Variants in ARHGAP8 observed in about 807,000 individuals in gnomAD.
ARHGAP8 encodes the protein rho GTPase-activating protein 8.
ARHGAP8 carries 62 observed loss-of-function variants against 46.1 expected under a neutral mutation model. The observed-to-expected ratio is 1.34, with a 90% CI of 1.10 to 1.66. The LOEUF is 1.66. Ranked by LOEUF, ARHGAP8 falls within the 40% of genes most tolerant of loss-of-function variation. The pLI is 0.00. For missense variants in ARHGAP8, 923 were observed against 568.4 expected (o/e 1.62, Z -6.34); for synonymous variants, 375 against 243.1 (o/e 1.54, Z -5.05).
At chr22:44,858,391 G>C (rs112635235) in intron 10 of ARHGAP8, among the ~76,000 whole-genome samples, 6 of 149,752 alleles carry the variant, frequency 4.0e-5, no homozygotes, top group African/African-American at 1.5e-4. Flanking sequence ...TTTTGAGATG[G>C]AGTTTCACTC....
chr22:44,799,452 A>G (rs1044447235), intron 2 of ARHGAP8, among the ~76,000 whole-genome samples: 3 of 152,114 alleles, frequency 2.0e-5, no homozygotes, highest in Admixed American at 1.3e-4. Flanking sequence ...AGAGTCAGCA[A>G]GGAGGCGGGA....
chr22:44,841,541 C>G (rs1312372304), intron 7 of ARHGAP8, among the ~76,000 whole-genome samples: 1 of 152,184 alleles, frequency 6.6e-6, no homozygotes, highest in African/African-American at 2.4e-5. Context: ...CGGTACCGGA[C>G]TGCGCTCAGG....
chr22:44,855,005 T>G (rs1055475662), intron 10 of ARHGAP8, among the ~76,000 whole-genome samples: 7 of 152,194 alleles, frequency 4.6e-5, no homozygotes, highest in African/African-American at 1.7e-4. Flanking sequence ...GTTACTCAAG[T>G]CACAAGAACT....
intron 1 of ARHGAP8, among the ~76,000 whole-genome samples, chr22:44,780,360 AAAAAT>A (rs1349190405): frequency 6.6e-6 from 1 of 150,766 alleles, no homozygotes; most frequent in Non-Finnish European, 1.5e-5. Context: ...CTATCTCTTA[AAAAAT>A]AAAATAAAAA....
chr22:44,799,085 A>G (rs1345201417), intron 2 of ARHGAP8, among the ~76,000 whole-genome samples: 1 of 152,132 alleles, frequency 6.6e-6, no homozygotes, highest in Non-Finnish European at 1.5e-5. Flanking sequence ...GGGGCCCCCA[A>G]GGTCTCCTGG....
chr22:44,835,414 C>T (rs1931218922), intron 7 of ARHGAP8, among the ~76,000 whole-genome samples: 1 of 152,052 alleles, frequency 6.6e-6, no homozygotes, highest in East Asian at 1.9e-4. Context: ...GATCGAGACA[C>T]TGAGACCATC....
chr22:44,802,388 GTT>G (rs1928622177), intron 3 of ARHGAP8, among the ~76,000 whole-genome samples: 2 of 152,188 alleles, frequency 1.3e-5, no homozygotes, highest in Admixed American at 1.3e-4. Context: ...TGGGAGCCAG[GTT>G]TTGTTTCCTT....
intron 1 of ARHGAP8, among the ~76,000 whole-genome samples, chr22:44,770,927 A>G (rs1925952609): frequency 6.6e-6 from 1 of 152,212 alleles, no homozygotes. Flanking sequence ...ACTTCCCCAG[A>G]GTCAGCTTGG....
chr22:44,839,643 G>C (rs948323694), intron 7 of ARHGAP8, among the ~76,000 whole-genome samples: 1 of 152,120 alleles, frequency 6.6e-6, no homozygotes, highest in Non-Finnish European at 1.5e-5. Context: ...TCCTAGTGTC[G>C]TCCTCTGATC....
chr22:44,849,090 G>T lies in ARHGAP8; in HGVS notation c.877+30G>T, dbSNP rs1601518790. 4 of 1,612,362 alleles carry T rather than the reference G, an allele frequency of 2.5e-6. No homozygotes were observed. In the East Asian group the frequency reaches 6.7e-5, roughly 27 times the overall value. On this transcript the variant is annotated intron_variant, in intron 10 of 11. Transcript: ENST00000356099. ...GTAGCTGCCCTGGCGCAGGGGTGGG[G>T]GGCTTGGTCCTCAGATGCTGTCCCC...
At chr22:44,839,343 G>C (rs942459706) in intron 7 of ARHGAP8, among the ~76,000 whole-genome samples, 1 of 152,204 alleles carries the variant, frequency 6.6e-6, no homozygotes, top group African/African-American at 2.4e-5. Context: ...TTCAGCAAAA[G>C]CAAAATTGCC....
At chr22:44,782,121 G>T (rs910364424) in intron 1 of ARHGAP8, among the ~76,000 whole-genome samples, 3 of 152,198 alleles carry the variant, frequency 2.0e-5, no homozygotes, top group Admixed American at 6.5e-5. Context: ...GATCACTTGA[G>T]GTCAGGAGTT....
At chr22:44,778,593 G>T (rs1253739858) in intron 1 of ARHGAP8, among the ~76,000 whole-genome samples, 1 of 152,138 alleles carries the variant, frequency 6.6e-6, no homozygotes, top group Non-Finnish European at 1.5e-5. Flanking sequence ...GTTCTTTAAG[G>T]AATCTCCACA....
chr22:44,862,295 C>T lies in ARHGAP8; in HGVS notation c.1002C>T (p.Phe334=), dbSNP rs780893881. 7 of 1,597,040 alleles carry T rather than the reference C, an allele frequency of 4.4e-6. No individual in the cohort carries two copies. The highest frequency in any genetic ancestry group is 4.5e-5 in the East Asian group (2 of 44,428). ...FLHAVSRESI[F]NKMNSSNLAC... The stretch of plus-strand genomic sequence containing the variant: ...TCCAGGTGTCCCGGGAGAGCATCTT[C>T]AACAAAATGAACAGCTCTAACCTGG... The change falls in exon 12 of 12, where the codon TTC becomes TTT. Residue 334 remains phenylalanine (F), a synonymous_variant. Transcript: ENST00000356099.
rs1251022407 is a variant in ARHGAP8 at position 44,847,954 on chromosome 22, G to A, written c.671-19G>A. 1 of 1,605,542 alleles carries A rather than the reference G, an allele frequency of 6.2e-7. No individual in the cohort carries two copies. Among genetic ancestry groups the A allele is most frequent in the East Asian group, 2.2e-5 (1 of 44,894 alleles). ...TTGGGCTGGGACCTGTGAGATGCCT[G>A]GAAGCTCCTCTCCTGCAGGCCTGCG... On this transcript the variant is annotated intron_variant, in intron 8 of 11. Transcript: ENST00000356099.
rs199881939 is a variant in ARHGAP8 at position 44,808,474 on chromosome 22, G to T, written c.299+36G>T. ...GCAAGCCTTCAGGGACGTGGGTGTG[G>T]GCTGCTTGTGGCAGGAGGAGGCATT... On this transcript the variant is annotated intron_variant, in intron 4 of 11. Coordinates refer to ENST00000356099, the MANE Select transcript of ARHGAP8 (RefSeq NM_181335.3). 4.7e-4 allele frequency: 750 copies of T among 1,609,016 alleles called. 1 individual carries two copies. The highest frequency in any genetic ancestry group is 5.9e-4 in the Non-Finnish European group (694 of 1,177,530).
At chr22:44,821,900 T>C (rs150325831) in intron 5 of ARHGAP8, among the ~76,000 whole-genome samples, 2,424 of 144,936 alleles carry the variant, frequency 0.017, 31 homozygotes, top group Non-Finnish European at 0.022. Context: ...GAGAGCCTCA[T>C]TGGTTCCTCT....
At chr22:44,813,218 T>C (rs528838321) in intron 4 of ARHGAP8, among the ~76,000 whole-genome samples, 1 of 151,798 alleles carries the variant, frequency 6.6e-6, no homozygotes, top group Non-Finnish European at 1.5e-5. Flanking sequence ...TGGACAGAGT[T>C]AGGGTATGTG....
chr22:44,779,170 G>A (rs901706977), intron 1 of ARHGAP8, among the ~76,000 whole-genome samples: 2 of 149,220 alleles, frequency 1.3e-5, no homozygotes, highest in African/African-American at 4.9e-5. Flanking sequence ...CGCGATCTTG[G>A]CTCACTGCAA....
Sources: gnomAD v4.1 joint callset for allele counts (sites outside exome capture counted in the v4.1 genomes callset) on GRCh38, gnomAD v4.1.1 for gene constraint, MANE v1.5 for transcripts, NCBI Gene and HGNC (gene_info 2026-07-23, HGNC 2026-07-21) for gene names.